Variants in FAM110B observed in about 807,000 individuals in gnomAD.
FAM110B encodes the protein protein FAM110B.
A neutral mutation model predicts 20.4 loss-of-function variants in FAM110B; 6 were observed. The ratio of observed to expected loss-of-function variants is 0.29; its 90% CI spans 0.16 to 0.58. The LOEUF (loss-of-function observed/expected upper bound fraction) is 0.58. FAM110B is among the 20% of genes least tolerant of loss of function. The pLI, the probability that FAM110B is intolerant of heterozygous loss-of-function variation, is 0.90. For missense variants in FAM110B, 434 were observed against 498.2 expected, an observed-to-expected ratio of 0.87 and a Z score of 1.23; for synonymous variants, 226 against 214.1, an observed-to-expected ratio of 1.06 and a Z score of -0.49.
intron 3 of FAM110B, among the ~76,000 whole-genome samples, chr8:58,103,412 A>T (rs1271532689): frequency 6.7e-6 from 1 of 149,032 alleles, no homozygotes; most frequent in Non-Finnish European, 1.5e-5. Flanking sequence ...TATGAGTGAG[A>T]ATATGCGGTG....
chr8:58,113,380 T>C (rs1200261082), intron 3 of FAM110B: 11 of 216,532 alleles, frequency 5.1e-5, no homozygotes, highest in Admixed American at 4.7e-4. Context: ...CTGCTCAGTG[T>C]AGATGACACA....
intron 2 of FAM110B, among the ~76,000 whole-genome samples, chr8:58,072,970 G>T (rs1805942487): frequency 6.6e-6 from 1 of 152,142 alleles, no homozygotes; most frequent in African/African-American, 2.4e-5. Flanking sequence ...ATTTGTGGCT[G>T]GTCACTTGGC....
At chr8:58,118,359 G>A (rs183050912) in intron 3 of FAM110B, among the ~76,000 whole-genome samples, 1 of 152,304 alleles carries the variant, frequency 6.6e-6, no homozygotes, top group African/African-American at 2.4e-5. Context: ...CTAACCATGA[G>A]AATGGAAACT....
At chr8:58,095,029 A>T (rs1251276904) in intron 3 of FAM110B, among the ~76,000 whole-genome samples, 1 of 151,920 alleles carries the variant, frequency 6.6e-6, no homozygotes, top group Non-Finnish European at 1.5e-5. Flanking sequence ...TTTCTTGTTT[A>T]TTTGCGTAGA....
At chr8:58,124,465 C>T (rs568783316) in intron 3 of FAM110B, among the ~76,000 whole-genome samples, 2 of 152,328 alleles carry the variant, frequency 1.3e-5, no homozygotes, top group South Asian at 2.1e-4. Flanking sequence ...TTTCATGTTA[C>T]GCTGCACAGG....
At chr8:58,112,184 C>A (rs1807073956) in intron 3 of FAM110B, among the ~76,000 whole-genome samples, 1 of 152,080 alleles carries the variant, frequency 6.6e-6, no homozygotes. Context: ...CAAAAATTAG[C>A]TGGGCATGAT....
chr8:58,142,478 C>T (rs1803763351), intron 3 of FAM110B, among the ~76,000 whole-genome samples: 1 of 152,154 alleles, frequency 6.6e-6, no homozygotes, highest in Non-Finnish European at 1.5e-5. Flanking sequence ...CTTTGTCCCC[C>T]AGCTGGCTCT....
intron 3 of FAM110B, among the ~76,000 whole-genome samples, chr8:58,142,605 G>A (rs1206243856): frequency 1.3e-5 from 2 of 150,914 alleles, no homozygotes; most frequent in East Asian, 3.9e-4. Flanking sequence ...TCACATTTGA[G>A]TTCATATCTG....
chr8:58,085,945 T>C (rs551586203), intron 3 of FAM110B, among the ~76,000 whole-genome samples: 1 of 152,350 alleles, frequency 6.6e-6, no homozygotes, highest in Non-Finnish European at 1.5e-5. Context: ...ACAAAATTAA[T>C]TTGTAACTTT....
At chr8:58,023,422 C>CA (rs1210635895) in intron 1 of FAM110B, among the ~76,000 whole-genome samples, 1 of 151,880 alleles carries the variant, frequency 6.6e-6, no homozygotes, top group Non-Finnish European at 1.5e-5. Flanking sequence ...TTCTGCTGGA[C>CA]AAAAAAGTAC....
At chr8:58,005,525 A>G (rs1804385946) in intron 1 of FAM110B, among the ~76,000 whole-genome samples, 2 of 152,248 alleles carry the variant, frequency 1.3e-5, no homozygotes, top group Non-Finnish European at 2.9e-5. Context: ...ATTTGTAAAA[A>G]AACATTATCT....
At chr8:58,031,101 G>A (rs920859845) in intron 1 of FAM110B, among the ~76,000 whole-genome samples, 20 of 152,216 alleles carry the variant, frequency 1.3e-4, no homozygotes, top group Non-Finnish European at 1.9e-4. Flanking sequence ...GTGTTTGTTC[G>A]TGACCTTGGG....
In FAM110B at chr8:58,146,560, C is replaced by T. The variant is rs1475388854; in HGVS notation, c.330C>T (p.Gly110=). 6.2e-7 allele frequency: 1 copy of T among 1,614,050 alleles called. No homozygotes were observed. The highest frequency in any genetic ancestry group is 8.5e-7 in the Non-Finnish European group (1 of 1,179,952). ...GCAACCACGCCAAGACCGAGAGCGG[C>T]GTGCAGAGGGAGAACCTGAAGCTGG... is the stretch of plus-strand genomic sequence containing the variant. The part of the protein sequence containing the change: ...VFGNHAKTES[G]VQRENLKLEI... Residue 110 remains glycine, a synonymous_variant, in exon 4 of 4, where the codon GGC becomes GGT. Coordinates refer to ENST00000519262, the MANE Select transcript of FAM110B (RefSeq NM_001377989.1).
chr8:58,099,653 AC>A (rs1176878270), intron 3 of FAM110B, among the ~76,000 whole-genome samples: 2 of 152,212 alleles, frequency 1.3e-5, no homozygotes, highest in Non-Finnish European at 2.9e-5. Flanking sequence ...ATTTGCAGAT[AC>A]TTATTGTTAT....
At chr8:58,013,552 A>C (rs1804580683) in intron 1 of FAM110B, among the ~76,000 whole-genome samples, 1 of 152,218 alleles carries the variant, frequency 6.6e-6, no homozygotes, top group African/African-American at 2.4e-5. Context: ...CTTAATGTGC[A>C]GTCCCAGGTG....
intron 2 of FAM110B, among the ~76,000 whole-genome samples, chr8:58,033,307 T>C (rs113498074): frequency 1.4e-4 from 21 of 152,328 alleles, no homozygotes; most frequent in African/African-American, 5.1e-4. Flanking sequence ...ACCATTGATG[T>C]ACACCTAGGT....
rs138169488 is a variant in FAM110B, at chr8:58,146,614, C to T, written c.384C>T (p.Ser128=). Residue 128 remains serine (S), a synonymous_variant, in exon 4 of 4, where the codon TCC becomes TCT. Coordinates refer to ENST00000519262, the MANE Select transcript of FAM110B (RefSeq NM_001377989.1). ...LEILKNIINS[S]EGSSSGSGHK... ...TCCTGAAGAACATCATCAATAGCTC[C>T]GAGGGCTCTAGCTCGGGCTCGGGGC... The T allele has an allele frequency of 5.1e-5, 82 of 1,613,992 alleles. 3 individuals are homozygous for T. The South Asian group carries it at 8.1e-4, about 16-fold the overall frequency.
intron 2 of FAM110B, among the ~76,000 whole-genome samples, chr8:58,041,121 A>C (rs1220330378): frequency 6.6e-6 from 1 of 151,936 alleles, no homozygotes; most frequent in Non-Finnish European, 1.5e-5. Flanking sequence ...TTGTATTTTC[A>C]GCAGAGATGG....
At chr8:58,095,493 T>G (rs532791206) in intron 3 of FAM110B, among the ~76,000 whole-genome samples, 2 of 152,346 alleles carry the variant, frequency 1.3e-5, no homozygotes, top group Admixed American at 1.3e-4. Context: ...GACTTCGTTA[T>G]TTTTCTAGTA....
Sources: allele counts gnomAD v4.1 joint callset (sites outside exome capture counted in the v4.1 genomes callset), GRCh38; gene constraint gnomAD v4.1.1; transcripts MANE v1.5; gene names NCBI Gene and HGNC (gene_info 2026-07-23, HGNC 2026-07-21).